Variants in PCDHB5 observed in about 807,000 individuals in gnomAD.
PCDHB5 encodes the protein protocadherin beta-5.
For synonymous variants in PCDHB5, 569 were observed against 462.2 expected (o/e 1.23, Z -2.96); for missense variants, 1,125 against 1,029.4 (o/e 1.09, Z -1.27).
In PCDHB5 at chr5:141,136,247, A is replaced by C; in HGVS notation, c.813A>C (p.Ala271=). ...TTGTCTCCGCTCGAGATTTAGATGC[A>C]GGAGCATATGGGAGTGTAGCCTATG... is the stretch of plus-strand genomic sequence containing the variant. The part of the protein sequence containing the change: ...VVVVSARDLD[A]GAYGSVAYAL... The change falls in exon 1 of 1, where the codon GCA becomes GCC. Residue 271 remains alanine, a synonymous_variant. Transcript: ENST00000231134. The C allele has an allele frequency of 6.2e-7, 1 of 1,614,130 alleles. No homozygotes were observed. The highest frequency in any genetic ancestry group is 8.5e-7 in the Non-Finnish European group (1 of 1,179,956).
In PCDHB5 at chr5:141,135,902, A is replaced by C. The variant is rs1752558972; in HGVS notation, c.468A>C (p.Ile156=). Residue 156 remains isoleucine (I), a synonymous_variant, in exon 1 of 1, where the codon ATA becomes ATC. Transcript: ENST00000231134. ...CAGGGACTGTGTTTCCCTTAAAAAT[A>C]GCCCAGGACTTTGACATAGGTAGCA... is the stretch of plus-strand genomic sequence containing the variant. ...TQPGTVFPLK[I]AQDFDIGSNT... The C allele has an allele frequency of 1.2e-6, 2 of 1,614,114 alleles. No individual in the cohort carries two copies. Among genetic ancestry groups the C allele is most frequent in the African/African-American group, 1.3e-5 (1 of 74,952 alleles).
In PCDHB5 at chr5:141,137,620, G is replaced by A. The variant is rs1752627382; in HGVS notation, c.2186G>A (p.Gly729Asp). 5 of 1,613,638 alleles carry A rather than the reference G, an allele frequency of 3.1e-6. No homozygotes were observed. The Admixed American group carries it at 5.0e-5, about 16-fold the overall frequency. Reference protein sequence around the residue: ...APVGRCSVPEGPFPGHLVDVS... With the variant: ...APVGRCSVPEDPFPGHLVDVS... ...GTCGGTCGCTGCTCGGTGCCCGAGG[G>A]CCCCTTTCCAGGGCATCTGGTGGAC... The change falls in exon 1 of 1, where the codon GGC becomes GAC. Residue 729 changes from glycine (G) to aspartate (D), a missense_variant. Coordinates refer to ENST00000231134, the MANE Select transcript of PCDHB5 (RefSeq NM_015669.5).
Position 141,136,059 on chromosome 5 carries a change from A to T in PCDHB5, c.625A>T (p.Ser209Cys). The T allele has an allele frequency of 1.9e-6, 3 of 1,614,232 alleles. No homozygotes were observed. Among genetic ancestry groups the T allele is most frequent in the South Asian group, 1.1e-5 (1 of 91,078 alleles). Reference sequence around the variant, plus strand: ...GGACCGGGAGGAGCGGCCTGAGCTCAGCTTAACACTCACTGCACTGGACGG... The same window carrying T: ...GGACCGGGAGGAGCGGCCTGAGCTCTGCTTAACACTCACTGCACTGGACGG... ...ALDREERPELSLTLTALDGGA... is the reference protein window; with the variant it reads ...ALDREERPELCLTLTALDGGA... The change falls in exon 1 of 1, where the codon AGC becomes TGC. Residue 209 changes from serine to cysteine, a missense_variant. Physicochemically the swap from Ser to Cys is moderately radical, Grantham distance 112. Coordinates refer to ENST00000231134, the MANE Select transcript of PCDHB5 (RefSeq NM_015669.5).
In PCDHB5 at chr5:141,137,304, C is replaced by A. The variant is rs1307932821; in HGVS notation, c.1870C>A (p.Arg624Ser). ...FSMWAHNGEV[R>S]TARLLSERDA... ...CATGTGGGCGCACAATGGCGAGGTG[C>A]GCACCGCCAGGCTGCTGAGCGAGCG... Residue 624 changes from arginine to serine, a missense_variant, in exon 1 of 1, where the codon CGC becomes AGC. Arg to Ser is a moderately radical substitution (Grantham distance 110). Transcript: ENST00000231134. The A allele has an allele frequency of 1.9e-6, 3 of 1,610,134 alleles. No individual in the cohort carries two copies. Among genetic ancestry groups the A allele is most frequent in the Non-Finnish European group, 1.7e-6 (2 of 1,179,604 alleles).
Position 141,135,944 on chromosome 5 carries a change from C to A in PCDHB5, c.510C>A (p.Tyr170Ter). 6.2e-7 allele frequency: 1 copy of A among 1,614,222 alleles called. No individual in the cohort carries two copies. Among genetic ancestry groups the A allele is most frequent in the Non-Finnish European group, 8.5e-7 (1 of 1,180,028 alleles). The change falls in exon 1 of 1, where the codon TAC becomes TAA. Residue 170 changes from tyrosine to a stop codon, truncating the protein, a stop_gained. Coordinates refer to ENST00000231134, the MANE Select transcript of PCDHB5 (RefSeq NM_015669.5). LOFTEE classifies it low-confidence loss of function (END_TRUNC). ...FDIGSNTVQN[Y>*]TISPNSHFHV... ...TAGGTAGCAACACTGTTCAGAACTA[C>A]ACAATCAGCCCAAATTCACACTTTC...
Position 141,137,701 on chromosome 5 carries a change from G to C in PCDHB5, c.2267G>C (p.Gly756Ala). Residue 756 changes from glycine to alanine, a missense_variant, in exon 1 of 1, where the codon GGA becomes GCA. Transcript: ENST00000231134. ...TACCACTACGAGGTGTGTTTGACCG[G>C]AGACTCAGGGGCCGGCGAGTTCAAG... ...QSYHYEVCLT[G>A]DSGAGEFKFL... 1 of 1,614,240 alleles carries C rather than the reference G, an allele frequency of 6.2e-7. No individual in the cohort carries two copies. The highest frequency in any genetic ancestry group is 8.5e-7 in the Non-Finnish European group (1 of 1,180,044).
In PCDHB5 at chr5:141,135,758, C is replaced by A. The variant is rs782101113; in HGVS notation, c.324C>A (p.Leu108=). ...AACCCTGTATATTGCATTTCCAGCT[C>A]TTACTAGAAAATCCAGTGCAGTTTT... ...ATEPCILHFQ[L]LLENPVQFFQ... The change falls in exon 1 of 1, where the codon CTC becomes CTA. Residue 108 remains leucine, a synonymous_variant. Transcript: ENST00000231134. 6.2e-7 allele frequency: 1 copy of A among 1,614,088 alleles called. No homozygotes were observed. Among genetic ancestry groups the A allele is most frequent in the Non-Finnish European group, 8.5e-7 (1 of 1,179,978 alleles).
rs375707314 is a variant in PCDHB5, at chr5:141,136,038, C to A, written c.604C>A (p.Arg202=). The change falls in exon 1 of 1, where the codon CGG becomes AGG. Residue 202 remains arginine, a synonymous_variant. Transcript: ENST00000231134. ...PELVLDKALD[R]EERPELSLTL... ...GCTGGTGCTGGACAAAGCGCTGGAC[C>A]GGGAGGAGCGGCCTGAGCTCAGCTT... The A allele has an allele frequency of 1.2e-6, 2 of 1,614,182 alleles. No homozygotes were observed. The highest frequency in any genetic ancestry group is 1.3e-5 in the African/African-American group (1 of 75,060).
In PCDHB5 at chr5:141,137,281, T is replaced by G. The variant is rs781931778; in HGVS notation, c.1847T>G (p.Met616Arg). The change falls in exon 1 of 1, where the codon ATG becomes AGG. Residue 616 changes from methionine (M) to arginine (R), a missense_variant. Coordinates refer to ENST00000231134, the MANE Select transcript of PCDHB5 (RefSeq NM_015669.5). ...LKATEPGLFS[M>R]WAHNGEVRTA... ...GCCACGGAGCCCGGGCTGTTCAGCA[T>G]GTGGGCGCACAATGGCGAGGTGCGC... 6.2e-7 allele frequency: 1 copy of G among 1,610,746 alleles called. No individual in the cohort carries two copies. Among genetic ancestry groups the G allele is most frequent in the Non-Finnish European group, 8.5e-7 (1 of 1,179,664 alleles).
chr5:141,136,895 C>A lies in PCDHB5; in HGVS notation c.1461C>A (p.Tyr487Ter), dbSNP rs1414333567. ...RDSGTNAQVT[Y>*]SLLPPQNPHL... Reference sequence around the variant, plus strand: ...CAGGCACCAACGCCCAGGTCACCTACTCGCTGCTGCCGCCCCAGAACCCAC... The same window carrying A: ...CAGGCACCAACGCCCAGGTCACCTAATCGCTGCTGCCGCCCCAGAACCCAC... Residue 487 changes from tyrosine (Y) to a stop codon, truncating the protein, a stop_gained, in exon 1 of 1, where the codon TAC becomes TAA. Transcript: ENST00000231134. LOFTEE classifies it low-confidence loss of function (END_TRUNC). The A allele has an allele frequency of 1.9e-6, 3 of 1,612,612 alleles. No individual in the cohort carries two copies. The African/African-American group carries it at 4.0e-5, about 22-fold the overall frequency.
chr5:141,136,557 G>A lies in PCDHB5; in HGVS notation c.1123G>A (p.Gly375Arg), dbSNP rs1392821397. The change falls in exon 1 of 1, where the codon GGG becomes AGG. Residue 375 changes from glycine (G) to arginine (R), a missense_variant. Physicochemically the swap from Gly to Arg is moderately radical, Grantham distance 125. Coordinates refer to ENST00000231134, the MANE Select transcript of PCDHB5 (RefSeq NM_015669.5). Reference sequence around the variant, plus strand: ...TTTCAGTGTTTCTGATCCAGACTCCGGGGACAACGGTAGGATGATTTGCTC... The same window carrying A: ...TTTCAGTGTTTCTGATCCAGACTCCAGGGACAACGGTAGGATGATTTGCTC... Reference protein sequence around the residue: ...AVFSVSDPDSGDNGRMICSIQ... With the variant: ...AVFSVSDPDSRDNGRMICSIQ... The A allele has an allele frequency of 4.3e-6, 7 of 1,613,902 alleles. No individual in the cohort carries two copies. Among genetic ancestry groups the A allele is most frequent in the East Asian group, 2.2e-5 (1 of 44,880 alleles).
rs782103265 is a variant in PCDHB5, at chr5:141,135,396, T to C, written c.-39T>C. ...ATGCAAATCATCTGGGTGGATTGTG[T>C]ACGGAGTTAAACTGCGCCTTCTGGA... is the stretch of plus-strand genomic sequence containing the variant. On this transcript the variant is annotated 5_prime_UTR_variant, in exon 1 of 1. Transcript: ENST00000231134. 9.5e-6 allele frequency: 13 copies of C among 1,364,578 alleles called. No individual in the cohort carries two copies. The highest frequency in any genetic ancestry group is 1.3e-5 in the Non-Finnish European group (13 of 986,058). The allele number at this position is 1,364,578 out of a possible 1,614,324, so 84.5% of individuals were successfully genotyped here.
At position 141,135,606 on chromosome 5, in the gene PCDHB5, G is replaced by A; in HGVS notation, c.172G>A (p.Glu58Lys). The A allele has an allele frequency of 1.2e-6, 2 of 1,614,128 alleles. No homozygotes were observed. Among genetic ancestry groups the A allele is most frequent in the South Asian group, 2.2e-5 (2 of 91,044 alleles). ...AAAAGACCTGGGTCTTGGGGTGGGG[G>A]AACTGGCCACTCGGGGCGCGCGAAT... Reference protein sequence around the residue: ...LAKDLGLGVGELATRGARMHY... With the variant: ...LAKDLGLGVGKLATRGARMHY... The change falls in exon 1 of 1, where the codon GAA (glutamate) becomes AAA (lysine). Residue 58 changes from glutamate (E) to lysine (K), a missense_variant. Transcript: ENST00000231134.
chr5:141,137,984 G>A lies in PCDHB5; in HGVS notation c.*162G>A, dbSNP rs1554276348. On this transcript the variant is annotated 3_prime_UTR_variant, in exon 1 of 1. Transcript: ENST00000231134. ...CTTCATGCTGTCCAAGTGTTGAAAAGTCAATTTTATTTCATTGCATTTATT... is the reference window on the plus strand; with the variant it reads ...CTTCATGCTGTCCAAGTGTTGAAAAATCAATTTTATTTCATTGCATTTATT... 1.5e-6 allele frequency: 1 copy of A among 665,232 alleles called. No individual in the cohort carries two copies. The highest frequency in any genetic ancestry group is 1.8e-5 in the African/African-American group (1 of 54,976). 41.2% of individuals were successfully genotyped at this position (665,232 alleles called of 1,614,324 possible). A position where few individuals can be genotyped will look rare whatever the true frequency, so the allele number is the denominator to read the frequency against.
chr5:141,137,485 C>T lies in PCDHB5; in HGVS notation c.2051C>T (p.Ser684Leu), dbSNP rs1554276234. Reference sequence around the variant, plus strand: ...GCCCCGGCCCAGGCCCAGGCCGACTCGCTCACTGTCTACCTGGTGGTGGCA... The same window carrying T: ...GCCCCGGCCCAGGCCCAGGCCGACTTGCTCACTGTCTACCTGGTGGTGGCA... ...EAAPAQAQADSLTVYLVVALA... is the reference protein window; with the variant it reads ...EAAPAQAQADLLTVYLVVALA... Residue 684 changes from serine to leucine, a missense_variant, in exon 1 of 1, where the codon TCG becomes TTG. Physicochemically the swap from Ser to Leu is moderately radical, Grantham distance 145. Coordinates refer to ENST00000231134, the MANE Select transcript of PCDHB5 (RefSeq NM_015669.5). 1 of 1,612,838 alleles carries T rather than the reference C, an allele frequency of 6.2e-7. No individual in the cohort carries two copies.
Position 141,137,222 on chromosome 5 carries a change from C to T in PCDHB5, c.1788C>T (p.Gly596=), listed in dbSNP as rs782129278. 3.1e-6 allele frequency: 5 copies of T among 1,610,938 alleles called. No homozygotes were observed. The South Asian group carries it at 3.3e-5, about 11-fold the overall frequency. The change falls in exon 1 of 1, where the codon GGC becomes GGT. Residue 596 remains glycine, a synonymous_variant. Coordinates refer to ENST00000231134, the MANE Select transcript of PCDHB5 (RefSeq NM_015669.5). The stretch of plus-strand genomic sequence containing the variant: ...TGGTGGCGGTGGACGGTGACTCGGG[C>T]CAGAACGCCTGGCTGTCGTACCAGC... ...TKVVAVDGDS[G]QNAWLSYQLL...
At position 141,135,621 on chromosome 5, in the gene PCDHB5, G is replaced by A; in HGVS notation, c.187G>A (p.Gly63Ser). Residue 63 changes from glycine (G) to serine (S), a missense_variant, in exon 1 of 1, where the codon GGC becomes AGC. Gly to Ser is a moderately conservative substitution (Grantham distance 56). Transcript: ENST00000231134. ...GLGVGELATR[G>S]ARMHYKGNKE... ...TGGGGTGGGGGAACTGGCCACTCGG[G>A]GCGCGCGAATGCATTACAAAGGAAA... The A allele has an allele frequency of 6.2e-7, 1 of 1,614,142 alleles. No individual in the cohort carries two copies. Among genetic ancestry groups the A allele is most frequent in the Non-Finnish European group, 8.5e-7 (1 of 1,180,038 alleles).
At position 141,136,808 on chromosome 5, in the gene PCDHB5, C is replaced by T. The variant is rs376440692; in HGVS notation, c.1374C>T (p.Phe458=). The change falls in exon 1 of 1, where the codon TTC becomes TTT. Residue 458 remains phenylalanine (F), a synonymous_variant. Coordinates refer to ENST00000231134, the MANE Select transcript of PCDHB5 (RefSeq NM_015669.5). ...TCACCCAAACCTCCTACACCCTGTT[C>T]GTCCGAGAGAACAACAGCCCCGCCC... ...PAFTQTSYTL[F]VRENNSPALH... is the part of the protein sequence containing the mutation. 1.2e-6 allele frequency: 2 copies of T among 1,613,700 alleles called. No homozygotes were observed. Among genetic ancestry groups the T allele is most frequent in the South Asian group, 2.2e-5 (2 of 91,032 alleles).
chr5:141,137,913 T>C lies in PCDHB5; in HGVS notation c.*91T>C. The C allele has an allele frequency of 3.4e-6, 4 of 1,192,420 alleles. No homozygotes were observed. 73.9% of individuals were successfully genotyped at this position (1,192,420 alleles called of 1,614,324 possible). A position where few individuals can be genotyped will look rare whatever the true frequency, so the allele number is the denominator to read the frequency against. ...AGTGTCATGGACAAAAATTTCACCT[T>C]GAGATTGAGCTTTTATTTCCCTTTT... On this transcript the variant is annotated 3_prime_UTR_variant, in exon 1 of 1. Transcript: ENST00000231134.
Sources: allele counts gnomAD v4.1 joint callset, GRCh38; gene constraint gnomAD v4.1.1; transcripts MANE v1.5; gene names NCBI Gene and HGNC (gene_info 2026-07-23, HGNC 2026-07-21).